Variants in FOXN3 observed in about 807,000 individuals in gnomAD.
The protein encoded by FOXN3 is forkhead box N3.
A neutral mutation model predicts 38.4 loss-of-function variants in FOXN3; 7 were observed. The ratio of observed to expected loss-of-function variants is 0.18; its 90% confidence interval spans 0.10 to 0.34. The LOEUF (loss-of-function observed/expected upper bound fraction) is 0.34. FOXN3 is among the 10% of genes least tolerant of loss of function. FOXN3 has a pLI of 1.00. For synonymous variants in FOXN3, 230 were observed against 242.2 expected, an observed-to-expected ratio of 0.95 and a Z score of 0.47; for missense variants, 456 against 613.4, an observed-to-expected ratio of 0.74 and a Z score of 2.71.
At chr14:89,258,687 T>C (rs764470063) in intron 4 of FOXN3, among the ~76,000 whole-genome samples, 9 of 152,244 alleles carry the variant, frequency 5.9e-5, no homozygotes, top group Non-Finnish European at 1.0e-4. Flanking sequence ...ATTAAAGATA[T>C]ATTCAATGCG....
Position 89,211,292 on chromosome 14 carries a change from C to G in FOXN3, c.746-30486G>C, listed in dbSNP as rs531687722. On this transcript the variant is annotated intron_variant, in intron 4 of 5. Transcript: ENST00000557258. ...TCCAAAGTGGCCAAGTTATCTTGGT[C>G]ATGTTTATTAACTAAAGGTAATAGG... Among the ~76,000 whole-genome samples, 5 of 152,308 alleles carry G rather than the reference C, an allele frequency of 3.3e-5. No homozygotes were observed. In the South Asian group the frequency reaches 1.0e-3, roughly 32 times the overall value.
intron 1 of FOXN3, among the ~76,000 whole-genome samples, chr14:89,438,977 C>T (rs1004463730): frequency 3.9e-5 from 6 of 152,020 alleles, no homozygotes; most frequent in South Asian, 2.1e-4. Context: ...CGGCTGGTTT[C>T]GAACTCCCAA....
intron 4 of FOXN3, among the ~76,000 whole-genome samples, chr14:89,238,473 C>T (rs1422812470): frequency 6.6e-6 from 1 of 152,196 alleles, no homozygotes. Flanking sequence ...TTGCCACTGG[C>T]TTCTAACTTC....
intron 1 of FOXN3, among the ~76,000 whole-genome samples, chr14:89,573,979 C>T (rs1895547130): frequency 1.3e-5 from 2 of 152,098 alleles, no homozygotes; most frequent in South Asian, 2.1e-4. Context: ...TGCAGTGAGC[C>T]GTGATGGTGC....
At chr14:89,505,379 T>A (rs1054889654) in intron 1 of FOXN3, among the ~76,000 whole-genome samples, 4 of 150,478 alleles carry the variant, frequency 2.7e-5, no homozygotes, top group African/African-American at 4.9e-5. Flanking sequence ...TCCCTGCCTG[T>A]TTCTCCTGCC....
At chr14:89,272,231 T>C (rs1886170413) in intron 4 of FOXN3, among the ~76,000 whole-genome samples, 1 of 152,144 alleles carries the variant, frequency 6.6e-6, no homozygotes, top group South Asian at 2.1e-4. Context: ...GAGAATCGCT[T>C]GAACCCGGGA....
chr14:89,326,337 C>G (rs1336516845), intron 3 of FOXN3, among the ~76,000 whole-genome samples: 1 of 152,178 alleles, frequency 6.6e-6, no homozygotes, highest in Middle Eastern at 3.2e-3. Context: ...AGTATATTTT[C>G]AACCCCAGGA....
At chr14:89,212,864 A>G (rs918388262) in intron 4 of FOXN3, among the ~76,000 whole-genome samples, 2 of 152,150 alleles carry the variant, frequency 1.3e-5, no homozygotes, top group African/African-American at 4.8e-5. Context: ...ATCAGGTTTG[A>G]CACCGCTAAG....
chr14:89,530,742 T>A (rs1167406034), intron 1 of FOXN3, among the ~76,000 whole-genome samples: 2 of 151,386 alleles, frequency 1.3e-5, no homozygotes, highest in Non-Finnish European at 2.9e-5. Context: ...TCCAAGTAGC[T>A]GGGATTACAG....
intron 4 of FOXN3, chr14:89,230,858 T>C (rs1451783243): frequency 1.1e-5 from 5 of 455,884 alleles, no homozygotes; most frequent in Non-Finnish European, 2.2e-5. Flanking sequence ...AGATGAAGGT[T>C]TTCATTTTTC....
At chr14:89,601,196 T>C (rs1896145655) in intron 1 of FOXN3, among the ~76,000 whole-genome samples, 1 of 152,258 alleles carries the variant, frequency 6.6e-6, no homozygotes, top group Non-Finnish European at 1.5e-5. Flanking sequence ...CCTGGAATTT[T>C]GACGATGCTA....
intron 1 of FOXN3, among the ~76,000 whole-genome samples, chr14:89,545,799 C>T (rs1894871220): frequency 6.6e-6 from 1 of 152,186 alleles, no homozygotes; most frequent in South Asian, 2.1e-4. Flanking sequence ...AAGTCCAACA[C>T]TGGCCACCCT....
chr14:89,568,783 CTTAT>C (rs1274249693), intron 1 of FOXN3, among the ~76,000 whole-genome samples: 3 of 152,120 alleles, frequency 2.0e-5, no homozygotes, highest in Non-Finnish European at 4.4e-5. Context: ...AAATAAAATG[CTTAT>C]TTATTTCCCA....
intron 1 of FOXN3, among the ~76,000 whole-genome samples, chr14:89,550,218 C>T (rs1894974505): frequency 6.6e-6 from 1 of 152,204 alleles, no homozygotes; most frequent in African/African-American, 2.4e-5. Flanking sequence ...CATGTTCCGC[C>T]ACCCATCTCT....
chr14:89,253,722 C>T (rs1227898725), intron 4 of FOXN3, among the ~76,000 whole-genome samples: 1 of 152,184 alleles, frequency 6.6e-6, no homozygotes, highest in Non-Finnish European at 1.5e-5. Context: ...TCCTCCTCCT[C>T]CTCCCTCTCT....
chr14:89,557,656 C>T (rs950366991), intron 1 of FOXN3, among the ~76,000 whole-genome samples: 3 of 152,108 alleles, frequency 2.0e-5, no homozygotes, highest in Non-Finnish European at 2.9e-5. Context: ...TTGCAAGCAT[C>T]GGAAGGAGGT....
chr14:89,564,101 C>T (rs1195703519), intron 1 of FOXN3, among the ~76,000 whole-genome samples: 6 of 151,996 alleles, frequency 3.9e-5, no homozygotes, highest in Non-Finnish European at 5.9e-5. Context: ...GTAATCCACC[C>T]GCCTCGGCCT....
chr14:89,475,563 G>A (rs531561331), intron 1 of FOXN3, among the ~76,000 whole-genome samples: 10 of 152,260 alleles, frequency 6.6e-5, no homozygotes, highest in East Asian at 5.8e-4. Flanking sequence ...GCTGAAGTGG[G>A]GAAATCACTT....
chr14:89,290,433 G>C (rs1886834991), intron 3 of FOXN3: 2 of 376,500 alleles, frequency 5.3e-6, no homozygotes, highest in Non-Finnish European at 1.0e-5. Flanking sequence ...CTTGGAGTTG[G>C]TCATTTCCCC....
Sources: gnomAD v4.1 joint callset for allele counts (sites outside exome capture counted in the v4.1 genomes callset) on GRCh38, gnomAD v4.1.1 for gene constraint, MANE v1.5 for transcripts, NCBI Gene and HGNC (gene_info 2026-07-23, HGNC 2026-07-21) for gene names.